EXOC1L: variants seen among roughly 807,000 people sequenced by gnomAD.
EXOC1L encodes the protein exocyst complex component 1 like.
A neutral mutation model predicts 4.9 loss-of-function variants in EXOC1L; 10 were observed. The observed-to-expected ratio is 2.02, with a 90% confidence interval of 1.25 to 3.43. The LOEUF (loss-of-function observed/expected upper bound fraction) is 3.43, where lower values mean the gene tolerates loss of function less well. EXOC1L is among the 30% of genes most tolerant of loss of function. The pLI, the probability that EXOC1L is intolerant of heterozygous loss-of-function variation, is 0.00. For synonymous variants in EXOC1L, 41 were observed against 20.8 expected, an observed-to-expected ratio of 1.97 and a Z score of -2.63; for missense variants, 114 against 59.4, an observed-to-expected ratio of 1.92 and a Z score of -3.02.
intron 1 of EXOC1L, among the ~76,000 whole-genome samples, chr4:55,822,997 T>C (rs1007269004): frequency 1.3e-5 from 2 of 150,954 alleles, no homozygotes; most frequent in Non-Finnish European, 3.0e-5. Context: ...GTATATTTAA[T>C]ATAAAATTAA....
At chr4:55,823,731 C>T (rs1213409172) in intron 1 of EXOC1L, among the ~76,000 whole-genome samples, 4 of 151,966 alleles carry the variant, frequency 2.6e-5, no homozygotes, top group East Asian at 1.9e-4. Context: ...TTGTTTGAGA[C>T]GGAGTCTTGC....
rs76816460 is a variant in EXOC1L at position 55,833,871 on chromosome 4, G to A, written c.252+2407G>A. On this transcript the variant is annotated intron_variant, in intron 2 of 2. Transcript: ENST00000636125. ...GAACAAGATACAAAATATAGGTTGA[G>A]TATTTCTGGTTTTCTCATCACTTTA... is the stretch of plus-strand genomic sequence containing the variant. 9.1e-3 allele frequency among the ~76,000 whole-genome samples: 1,384 copies of A among 151,870 alleles called. 15 individuals carry two copies. The highest frequency in any genetic ancestry group is 0.026 in the African/African-American group (1,077 of 41,474).
intron 1 of EXOC1L, among the ~76,000 whole-genome samples, chr4:55,830,742 C>T (rs1335544089): frequency 6.6e-6 from 1 of 152,166 alleles, no homozygotes; most frequent in Admixed American, 6.6e-5. Flanking sequence ...TTGAGAGACA[C>T]ACTTGAGAGG....
At chr4:55,828,617 A>C (rs1719942781) in intron 1 of EXOC1L, among the ~76,000 whole-genome samples, 1 of 152,162 alleles carries the variant, frequency 6.6e-6, no homozygotes, top group Admixed American at 6.6e-5. Flanking sequence ...GCATGGCTTG[A>C]GGCCAGGAGT....
chr4:55,827,379 T>TCCTGTGAA (rs1274612640), intron 1 of EXOC1L, among the ~76,000 whole-genome samples: 1 of 152,214 alleles, frequency 6.6e-6, no homozygotes, highest in African/African-American at 2.4e-5. Flanking sequence ...GACCCCCACT[T>TCCTGTGAA]GGATGAAGAC....
Position 55,837,159 on chromosome 4 carries a change from C to A in EXOC1L, c.327C>A (p.Ala109=). 1.4e-6 allele frequency: 1 copy of A among 702,012 alleles called. No homozygotes were observed. Among genetic ancestry groups the A allele is most frequent in the Non-Finnish European group, 2.6e-6 (1 of 384,322 alleles). The allele number at this position is 702,012 out of a possible 1,614,324, so 43.5% of individuals were successfully genotyped here. ...CATATAGCTGTGCTTCTAAATATGC[C>A]TTTGCTCGAACTGTAAATAAGCTGA... The part of the protein sequence containing the change: ...LEAYSCASKY[A]FARTVNKLNH... Residue 109 remains alanine, a synonymous_variant, in exon 3 of 3, where the codon GCC becomes GCA. Coordinates refer to ENST00000636125, the MANE Select transcript of EXOC1L (RefSeq NM_001351574.3).
intron 2 of EXOC1L, among the ~76,000 whole-genome samples, chr4:55,835,077 T>C (rs867137520): frequency 1.3e-5 from 2 of 151,866 alleles, no homozygotes; most frequent in African/African-American, 4.8e-5. Context: ...GAATATATGA[T>C]GTTTGGTTTT....
Position 55,831,361 on chromosome 4 carries a change from T to G in EXOC1L, c.149T>G (p.Val50Gly), listed in dbSNP as rs1242575843. The change falls in exon 2 of 3, where the codon GTC (valine) becomes GGC (glycine). Residue 50 changes from valine to glycine, a missense_variant. Coordinates refer to ENST00000636125, the MANE Select transcript of EXOC1L (RefSeq NM_001351574.3). ...SVTKKEEVKI[V>G]MVKHYRIGLD... ...ACCAAAAAGGAAGAAGTAAAAATAG[T>G]CATGGTGAAACACTACAGAATAGGT... is the stretch of plus-strand genomic sequence containing the variant. 1.1e-5 allele frequency: 7 copies of G among 665,766 alleles called. No individual in the cohort carries two copies. Among genetic ancestry groups the G allele is most frequent in the African/African-American group, 9.1e-5 (5 of 54,904 alleles). The allele number at this position is 665,766 out of a possible 1,614,324, so 41.2% of individuals were successfully genotyped here.
chr4:55,826,013 A>T (rs1719871118), intron 1 of EXOC1L, among the ~76,000 whole-genome samples: 1 of 146,482 alleles, frequency 6.8e-6, no homozygotes, highest in Non-Finnish European at 1.5e-5. Flanking sequence ...TGAACCCAGG[A>T]GGCGGAGGTT....
rs147306174 is a variant in EXOC1L, at chr4:55,820,332, G to A, written c.121+185G>A. Among the ~76,000 whole-genome samples, 1,051 of 151,966 alleles carry A rather than the reference G, an allele frequency of 6.9e-3. 18 individuals are homozygous for A. Among genetic ancestry groups the A allele is most frequent in the African/African-American group, 0.024 (985 of 41,476 alleles). ...CAGAATTTTTTAGAGTGTTAAAAAT[G>A]AAAGAAAAAAACATTGTATTAGAAT... On this transcript the variant is annotated intron_variant, in intron 1 of 2. Transcript: ENST00000636125.
At chr4:55,828,951 A>G (rs1410501265) in intron 1 of EXOC1L, among the ~76,000 whole-genome samples, 3 of 152,216 alleles carry the variant, frequency 2.0e-5, no homozygotes, top group Admixed American at 2.0e-4. Flanking sequence ...CCTAAACTAC[A>G]AAACTTCCAT....
chr4:55,820,197 G>A (rs1480209927), intron 1 of EXOC1L, 50 bp downstream of exon 1: 7 of 397,798 alleles, frequency 1.8e-5, no homozygotes, highest in Non-Finnish European at 3.1e-5. Flanking sequence ...ACCCAAAGAT[G>A]CTTGGATGAT....
At chr4:55,827,577 A>G (rs1719916045) in intron 1 of EXOC1L, among the ~76,000 whole-genome samples, 4 of 152,342 alleles carry the variant, frequency 2.6e-5, no homozygotes, top group South Asian at 2.1e-4. Context: ...ATATTTATCA[A>G]TTTAATGAGA....
intron 1 of EXOC1L, among the ~76,000 whole-genome samples, chr4:55,829,289 C>A (rs1719965582): frequency 6.6e-6 from 1 of 152,090 alleles, no homozygotes; most frequent in South Asian, 2.1e-4. Flanking sequence ...GTCTTTACAC[C>A]CTATGAATTT....
chr4:55,821,632 T>C (rs965627090), intron 1 of EXOC1L, among the ~76,000 whole-genome samples: 3 of 152,166 alleles, frequency 2.0e-5, no homozygotes, highest in Non-Finnish European at 4.4e-5. Context: ...TGTAATTAAC[T>C]AGACTTGTTC....
chr4:55,832,109 G>T (rs1025131848), intron 2 of EXOC1L, among the ~76,000 whole-genome samples: 7 of 151,888 alleles, frequency 4.6e-5, no homozygotes, highest in African/African-American at 1.7e-4. Flanking sequence ...AAGTCCTATT[G>T]ACTCTCTGCC....
chr4:55,833,652 G>A lies in EXOC1L; in HGVS notation c.252+2188G>A, dbSNP rs141351297. 3.8e-4 allele frequency among the ~76,000 whole-genome samples: 58 copies of A among 151,696 alleles called. 1 individual carries two copies. The highest frequency in any genetic ancestry group is 9.2e-4 in the African/African-American group (38 of 41,414). On this transcript the variant is annotated intron_variant, in intron 2 of 2. Transcript: ENST00000636125. ...TTTTCTCCAGCTCTCAAATATTACC[G>A]ATGTTATCATTGATTTTTACAAGTT...
At chr4:55,830,741 A>C (rs1720008831) in intron 1 of EXOC1L, among the ~76,000 whole-genome samples, 1 of 152,174 alleles carries the variant, frequency 6.6e-6, no homozygotes, top group Non-Finnish European at 1.5e-5. Flanking sequence ...TTTGAGAGAC[A>C]CACTTGAGAG....
chr4:55,820,304 C>T (rs1038678328), intron 1 of EXOC1L, among the ~76,000 whole-genome samples, 157 bp downstream of exon 1: 5 of 151,618 alleles, frequency 3.3e-5, no homozygotes, highest in Admixed American at 3.3e-4. Flanking sequence ...AATTTGGGTT[C>T]TACAGAATTT....
Sources: allele counts gnomAD v4.1 joint callset (sites outside exome capture counted in the v4.1 genomes callset), GRCh38; gene constraint gnomAD v4.1.1; transcripts MANE v1.5; gene names NCBI Gene and HGNC (gene_info 2026-07-23, HGNC 2026-07-21).